Variants in CLVS1 observed in about 807,000 individuals in gnomAD.
The protein encoded by CLVS1 is clavesin 1.
In CLVS1, 10 loss-of-function variants were observed where a neutral mutation model predicts 33.1. The observed-to-expected ratio is 0.30, with a 90% CI of 0.19 to 0.51. The LOEUF (loss-of-function observed/expected upper bound fraction) is 0.51, where lower values mean the gene tolerates loss of function less well. Among genes scored for constraint, CLVS1 ranks in the 20% least tolerant of loss-of-function variants. The pLI is 0.97. For missense variants in CLVS1, 343 were observed against 433.4 expected, an observed-to-expected ratio of 0.79 and a Z score of 1.85; for synonymous variants, 163 against 166.1, an observed-to-expected ratio of 0.98 and a Z score of 0.14.
At chr8:61,306,503 G>C (rs1306332179) in intron 2 of CLVS1, among the ~76,000 whole-genome samples, 2 of 152,134 alleles carry the variant, frequency 1.3e-5, no homozygotes, top group Non-Finnish European at 2.9e-5. Flanking sequence ...TTACTCTGTT[G>C]ATAGTTTCTT....
intron 2 of CLVS1, chr8:61,264,739 A>T (rs3886396): frequency 0.26 from 40,302 of 152,136 alleles, 6,510 homozygotes; most frequent in Non-Finnish European, 0.35. Context: ...TAGAACACAG[A>T]ATGATATGGT....
chr8:61,130,240 A>AAATAAAT (rs1806064987), intron 1 of CLVS1, among the ~76,000 whole-genome samples: 1 of 140,046 alleles, frequency 7.1e-6, no homozygotes, highest in African/African-American at 2.7e-5. Flanking sequence ...TCTGTCTCAA[A>AAATAAAT]AAATAAATAA....
chr8:61,053,391 TA>T (rs1433419660), upstream of CLVS1, among the ~76,000 whole-genome samples: 1 of 152,126 alleles, frequency 6.6e-6, no homozygotes, highest in Non-Finnish European at 1.5e-5. Flanking sequence ...AAGGCCCAGA[TA>T]AGAGGAAAAC....
chr8:61,218,905 T>C (rs1056249387), intron 2 of CLVS1, among the ~76,000 whole-genome samples: 1 of 152,010 alleles, frequency 6.6e-6, no homozygotes, highest in African/African-American at 2.4e-5. Context: ...GATCGTGCCA[T>C]TGCACTACAG....
upstream of CLVS1, among the ~76,000 whole-genome samples, chr8:61,287,397 G>T (rs114098568): frequency 0.012 from 1,857 of 152,138 alleles, 41 homozygotes; most frequent in African/African-American, 0.043. Flanking sequence ...TCTACTTGCT[G>T]CAATTTTTTA....
intron 2 of CLVS1, among the ~76,000 whole-genome samples, chr8:61,161,661 T>A (rs553581100): frequency 2.6e-5 from 4 of 152,264 alleles, no homozygotes; most frequent in African/African-American, 9.6e-5. Flanking sequence ...GAAGAAAAGA[T>A]GTTGGTCAAA....
chr8:61,242,697 G>T (rs1417876397), intron 2 of CLVS1, among the ~76,000 whole-genome samples: 1 of 152,080 alleles, frequency 6.6e-6, no homozygotes, highest in Non-Finnish European at 1.5e-5. Flanking sequence ...GGCTGAGGCA[G>T]GAGGATTGCT....
At chr8:61,274,214 T>C (rs1809521135) in intron 2 of CLVS1, among the ~76,000 whole-genome samples, 1 of 152,204 alleles carries the variant, frequency 6.6e-6, no homozygotes. Context: ...TGTGAGCCAT[T>C]GGGTGATTAA....
At chr8:61,014,378 G>C in the CLVS1 span, among the ~76,000 whole-genome samples, 1 of 152,154 alleles carries the variant, frequency 6.6e-6, no homozygotes, top group Non-Finnish European at 1.5e-5. Flanking sequence ...GAGTTGATGG[G>C]TGGTGACTCA....
At chr8:61,423,704 G>T (rs1307735861) in intron 3 of CLVS1, among the ~76,000 whole-genome samples, 3 of 152,076 alleles carry the variant, frequency 2.0e-5, no homozygotes, top group African/African-American at 7.2e-5. Flanking sequence ...TCTACAAAAT[G>T]GGCATATGGG....
chr8:61,200,804 T>C (rs1429324274), intron 2 of CLVS1, among the ~76,000 whole-genome samples: 1 of 152,274 alleles, frequency 6.6e-6, no homozygotes, highest in East Asian at 1.9e-4. Flanking sequence ...TTTCATTTAT[T>C]TCTTCATTAG....
intron 3 of CLVS1, among the ~76,000 whole-genome samples, chr8:61,396,612 C>T (rs145729354): frequency 1.3e-5 from 2 of 152,182 alleles, no homozygotes; most frequent in Non-Finnish European, 1.5e-5. Flanking sequence ...CGTTGTGTAA[C>T]CATCATCACA....
In CLVS1 at chr8:61,288,062, A is replaced by T. The variant is rs1041384298; in HGVS notation, c.-228A>T. The T allele has an allele frequency of 2.4e-5, 11 of 455,386 alleles. No individual in the cohort carries two copies. The highest frequency in any genetic ancestry group is 1.8e-4 in the African/African-American group (9 of 50,036). 28.2% of individuals were successfully genotyped at this position (455,386 alleles called of 1,614,324 possible). The stretch of plus-strand genomic sequence containing the variant: ...GAGCCCGAACCTGCCAGAATAGGGG[A>T]TCTCACCCACCCAGTTCAGCAGCGA... On this transcript the variant is annotated 5_prime_UTR_variant, in exon 1 of 6. Transcript: ENST00000325897.
At chr8:61,254,252 A>T (rs1409826309) in intron 2 of CLVS1, among the ~76,000 whole-genome samples, 1 of 152,162 alleles carries the variant, frequency 6.6e-6, no homozygotes, top group Non-Finnish European at 1.5e-5. Context: ...GTGAACAGCA[A>T]ATGTTGCTGC....
intron 3 of CLVS1, among the ~76,000 whole-genome samples, chr8:61,395,307 G>A (rs1237606316): frequency 1.3e-5 from 2 of 152,168 alleles, no homozygotes; most frequent in East Asian, 1.9e-4. Flanking sequence ...GGGGAGAGGG[G>A]GAGGAATGGA....
intron 5 of CLVS1, among the ~76,000 whole-genome samples, chr8:61,480,571 G>A (rs1420411008): frequency 6.6e-6 from 1 of 152,052 alleles, no homozygotes; most frequent in African/African-American, 2.4e-5. Context: ...CTCATGCATG[G>A]TGTGCTGCAC....
the CLVS1 span, chr8:60,965,327 G>A: frequency 6.6e-6 from 1 of 152,320 alleles, no homozygotes; most frequent in African/African-American, 2.4e-5. Flanking sequence ...GGCCTCTGGG[G>A]GCTGAGGCAG....
chr8:61,278,468 G>A (rs1809605379), intron 2 of CLVS1, among the ~76,000 whole-genome samples: 1 of 151,902 alleles, frequency 6.6e-6, no homozygotes, highest in Non-Finnish European at 1.5e-5. Context: ...TCCTTTTTTT[G>A]AGGATTTTCC....
intron 3 of CLVS1, among the ~76,000 whole-genome samples, chr8:61,416,369 G>A (rs1815437744): frequency 6.6e-6 from 1 of 151,806 alleles, no homozygotes; most frequent in African/African-American, 2.4e-5. Flanking sequence ...CCCATGCCTA[G>A]AATAAATACT....
Sources: gnomAD v4.1 joint callset for allele counts (sites outside exome capture counted in the v4.1 genomes callset) on GRCh38, gnomAD v4.1.1 for gene constraint, MANE v1.5 for transcripts, NCBI Gene and HGNC (gene_info 2026-07-23, HGNC 2026-07-21) for gene names.